Variants in TMEM39B observed in about 807,000 individuals in gnomAD.
TMEM39B encodes the protein transmembrane protein 39B.
Under a neutral mutation model 52.2 loss-of-function variants are expected in TMEM39B, and 23 were observed. The observed-to-expected ratio is 0.44, with a 90% CI of 0.32 to 0.62. TMEM39B has a LOEUF of 0.62. TMEM39B is among the 20% of genes least tolerant of loss of function. TMEM39B has a pLI of 0.06. For missense variants in TMEM39B, 547 were observed against 642.0 expected (o/e 0.85, Z 1.60); for synonymous variants, 285 against 264.0 (o/e 1.08, Z -0.77).
chr1:32,083,094 TTTTTTTG>T (rs1640182157), intron 5 of TMEM39B, among the ~76,000 whole-genome samples: 1 of 147,038 alleles, frequency 6.8e-6, no homozygotes, highest in Non-Finnish European at 1.5e-5. Flanking sequence ...TTTTTTTTTT[TTTTTTTG>T]AGACGGAGTT....
Position 32,102,780 on chromosome 1 carries a change from C to A in TMEM39B, c.*107C>A, listed in dbSNP as rs980355409. On this transcript the variant is annotated 3_prime_UTR_variant, in exon 9 of 9. Coordinates refer to ENST00000336294, the MANE Select transcript of TMEM39B (RefSeq NM_018056.4). ...GGGGGGGACAAAAGACAAAAAAATC[C>A]ACCAGAGCTTTGTATTTTTGTTACG... 1 of 1,292,582 alleles carries A rather than the reference C, an allele frequency of 7.7e-7. No homozygotes were observed. The highest frequency in any genetic ancestry group is 1.0e-6 in the Non-Finnish European group (1 of 983,998). The allele number at this position is 1,292,582 out of a possible 1,614,324, so 80.1% of individuals were successfully genotyped here.
chr1:32,088,367 A>G (rs889845355), intron 5 of TMEM39B, among the ~76,000 whole-genome samples: 20 of 152,046 alleles, frequency 1.3e-4, no homozygotes, highest in Admixed American at 1.2e-3. Context: ...CAGTGAGCCA[A>G]GGTCTCGCCA....
intron 5 of TMEM39B, among the ~76,000 whole-genome samples, chr1:32,088,183 C>T (rs998216060): frequency 1.4e-5 from 2 of 145,120 alleles, no homozygotes; most frequent in African/African-American, 2.6e-5. Context: ...TTTGGGCGGC[C>T]GAAGTGGGCG....
At chr1:32,093,058 G>A (rs1468093768) in intron 6 of TMEM39B, among the ~76,000 whole-genome samples, 1 of 152,172 alleles carries the variant, frequency 6.6e-6, no homozygotes, top group East Asian at 1.9e-4. Flanking sequence ...CTCCTGGGAA[G>A]GTACCTCCTC....
In TMEM39B at chr1:32,102,679, G is replaced by A; in HGVS notation, c.*6G>A. 6.5e-7 allele frequency: 1 copy of A among 1,546,068 alleles called. No individual in the cohort carries two copies. The highest frequency in any genetic ancestry group is 1.7e-4 in the Middle Eastern group (1 of 5,724). On this transcript the variant is annotated 3_prime_UTR_variant, in exon 9 of 9. Coordinates refer to ENST00000336294, the MANE Select transcript of TMEM39B (RefSeq NM_018056.4). ...TGGACCACCGTTTCTCCTGAGCCCT[G>A]GGGTCACCTCAGGGACAGCGTCCAG...
At position 32,091,933 on chromosome 1, in the gene TMEM39B, C is replaced by A. The variant is rs758732483; in HGVS notation, c.849C>A (p.Asn283Lys). ...SEVEFLKMDF[N>K]WRMKEVLVSS... is the part of the protein sequence containing the mutation. ...TGGAGTTCCTCAAGATGGACTTCAACTGGCGCATGAAGGAAGTGCTCGTCA... is the reference window on the plus strand; with the variant it reads ...TGGAGTTCCTCAAGATGGACTTCAAATGGCGCATGAAGGAAGTGCTCGTCA... The change falls in exon 6 of 9, where the codon AAC (asparagine) becomes AAA (lysine). Residue 283 changes from asparagine to lysine, a missense_variant. By Grantham distance (94) the Asn-to-Lys change is moderately conservative. Coordinates refer to ENST00000336294, the MANE Select transcript of TMEM39B (RefSeq NM_018056.4). The A allele has an allele frequency of 6.2e-7, 1 of 1,614,236 alleles. No homozygotes were observed.
At chr1:32,098,643 G>T (rs1352317344) in intron 7 of TMEM39B, among the ~76,000 whole-genome samples, 1 of 152,142 alleles carries the variant, frequency 6.6e-6, no homozygotes, top group Non-Finnish European at 1.5e-5. Flanking sequence ...TGAAGCAGGA[G>T]AATGGCATGA....
chr1:32,077,150 T>C lies in TMEM39B; in HGVS notation c.436-14T>C. The C allele has an allele frequency of 6.2e-7, 1 of 1,613,840 alleles. No homozygotes were observed. Among genetic ancestry groups the C allele is most frequent in the Non-Finnish European group, 8.5e-7 (1 of 1,179,894 alleles). ...ATCCAAGGCCCCATCCCGTCCTATC[T>C]TGCCCCGACCCAGGCCTCTCAGAGG... On this transcript the variant is annotated splice_polypyrimidine_tract_variant and intron_variant, in intron 4 of 8. Coordinates refer to ENST00000336294, the MANE Select transcript of TMEM39B (RefSeq NM_018056.4).
chr1:32,102,757 G>A lies in TMEM39B; in HGVS notation c.*84G>A. The A allele has an allele frequency of 7.2e-7, 1 of 1,380,286 alleles. No homozygotes were observed. The highest frequency in any genetic ancestry group is 9.4e-7 in the Non-Finnish European group (1 of 1,059,058). The allele number at this position is 1,380,286 out of a possible 1,614,324, so 85.5% of individuals were successfully genotyped here. On this transcript the variant is annotated 3_prime_UTR_variant, in exon 9 of 9. Transcript: ENST00000336294. ...GGCTGTTGGGTAGAAGTGGTGGTGG[G>A]GGGGACAAAAGACAAAAAAATCCAC...
At chr1:32,088,829 C>T (rs1640487874) in intron 5 of TMEM39B, among the ~76,000 whole-genome samples, 1 of 151,926 alleles carries the variant, frequency 6.6e-6, no homozygotes, top group Admixed American at 6.6e-5. Flanking sequence ...CCCTCATTAC[C>T]ACAAGATACC....
chr1:32,096,419 T>C (rs940075711), intron 7 of TMEM39B, among the ~76,000 whole-genome samples: 5 of 151,494 alleles, frequency 3.3e-5, no homozygotes, highest in African/African-American at 4.9e-5. Context: ...TCAGGGCCCT[T>C]GCCTGTCTAG....
rs778201682 is a variant in TMEM39B at position 32,102,760 on chromosome 1, G to A, written c.*87G>A. On this transcript the variant is annotated 3_prime_UTR_variant, in exon 9 of 9. Transcript: ENST00000336294. ...TGTTGGGTAGAAGTGGTGGTGGGGG[G>A]GACAAAAGACAAAAAAATCCACCAG... The A allele has an allele frequency of 2.1e-5, 28 of 1,363,216 alleles. No homozygotes were observed. Among genetic ancestry groups the A allele is most frequent in the African/African-American group, 7.4e-5 (5 of 67,364 alleles). 84.4% of individuals were successfully genotyped at this position (1,363,216 alleles called of 1,614,324 possible).
chr1:32,099,168 T>C (rs1569953086), intron 7 of TMEM39B, among the ~76,000 whole-genome samples: 2 of 147,416 alleles, frequency 1.4e-5, no homozygotes, highest in African/African-American at 5.0e-5. Context: ...ACCCAGGAGG[T>C]GGAGGTTGCA....
At chr1:32,086,244 TCTTCTATCATATGTGCCCA>T (rs1449850916) in intron 5 of TMEM39B, among the ~76,000 whole-genome samples, 2 of 152,140 alleles carry the variant, frequency 1.3e-5, no homozygotes, top group African/African-American at 4.8e-5. Flanking sequence ...CCCCACTTCA[TCTTCTATCATATGTGCCCA>T]CTTCAAGGCA....
At position 32,075,620 on chromosome 1, in the gene TMEM39B, G is replaced by C. The variant is rs747386972; in HGVS notation, c.149G>C (p.Gly50Ala). The C allele has an allele frequency of 8.4e-6, 13 of 1,551,230 alleles. No homozygotes were observed. In the African/African-American group the frequency reaches 1.6e-4, roughly 20 times the overall value. The change falls in exon 3 of 9, where the codon GGC (glycine) becomes GCC (alanine). Residue 50 changes from glycine to alanine, a missense_variant. Gly to Ala is a moderately conservative substitution (Grantham distance 60). Transcript: ENST00000336294. ...RSRTRSSSGT[G>A]LSSPPLATQT... ...ACTGTCAGGAGCAGTTCTGGAACAG[G>C]CCTCTCCAGCCCTCCTCTGGCCACC... is the stretch of plus-strand genomic sequence containing the variant.
chr1:32,100,740 G>A (rs1640991677), intron 8 of TMEM39B, 178 bp downstream of exon 8: 1 of 818,256 alleles, frequency 1.2e-6, no homozygotes, highest in African/African-American at 1.7e-5. Context: ...AATAACTGCA[G>A]CTCGGCCGGG....
Position 32,075,034 on chromosome 1 carries a change from C to T in TMEM39B, c.88C>T (p.His30Tyr). 1 of 1,551,522 alleles carries T rather than the reference C, an allele frequency of 6.4e-7. No individual in the cohort carries two copies. Among genetic ancestry groups the T allele is most frequent in the Non-Finnish European group, 8.7e-7 (1 of 1,146,930 alleles). ...ATCCTCGGGGGGCTCTAGTGGAAGC[C>T]ACACTTCCAGTGCATCGGTGACCAG... ...PGSSGGSSGSHTSSASVTSVR... is the reference protein window; with the variant it reads ...PGSSGGSSGSYTSSASVTSVR... Residue 30 changes from histidine to tyrosine, a missense_variant, in exon 2 of 9, where the codon CAC (histidine) becomes TAC (tyrosine). Coordinates refer to ENST00000336294, the MANE Select transcript of TMEM39B (RefSeq NM_018056.4).
At chr1:32,102,247 A>C (rs1641045019) in intron 8 of TMEM39B, among the ~76,000 whole-genome samples, 184 bp from the exon 9 acceptor site, 1 of 152,104 alleles carries the variant, frequency 6.6e-6, no homozygotes, top group Admixed American at 6.5e-5. Flanking sequence ...ATCAGGAGGA[A>C]TACCACAAGC....
rs151115258 is a variant in TMEM39B at position 32,077,239 on chromosome 1, A to G, written c.511A>G (p.Thr171Ala). The G allele has an allele frequency of 2.5e-6, 4 of 1,613,934 alleles. No individual in the cohort carries two copies. In the African/African-American group the frequency reaches 4.0e-5, roughly 16 times the overall value. ...CACTCGCTTCACCGTTCTCACGGCA[A>G]CAGGCTGGAGTCTGTGCCGATCCCT... ...FLTRFTVLTA[T>A]GWSLCRSLIH... is the part of the protein sequence containing the mutation. The change falls in exon 5 of 9, where the codon ACA (threonine) becomes GCA (alanine). Residue 171 changes from threonine (T) to alanine (A), a missense_variant. By Grantham distance (58) the Thr-to-Ala change is moderately conservative. Coordinates refer to ENST00000336294, the MANE Select transcript of TMEM39B (RefSeq NM_018056.4).
Sources: gnomAD v4.1 joint callset for allele counts (sites outside exome capture counted in the v4.1 genomes callset) on GRCh38, gnomAD v4.1.1 for gene constraint, MANE v1.5 for transcripts, NCBI Gene and HGNC (gene_info 2026-07-23, HGNC 2026-07-21) for gene names.